Variants in LRRC8D observed in about 807,000 individuals in gnomAD.
LRRC8D encodes leucine rich repeat containing 8 VRAC subunit D.
A neutral mutation model predicts 55.8 loss-of-function variants in LRRC8D; 20 were observed. The observed-to-expected ratio is 0.36, with a 90% confidence interval of 0.25 to 0.52. The LOEUF (loss-of-function observed/expected upper bound fraction) is 0.52. Ranked by LOEUF, LRRC8D falls within the 20% of genes least tolerant of loss-of-function variation. LRRC8D has a pLI of 0.93. For missense variants in LRRC8D, 651 were observed against 1,030.8 expected (o/e 0.63, Z 5.05); for synonymous variants, 352 against 377.0 (o/e 0.93, Z 0.77).
chr1:89,842,010 A>G (rs925679315), intron 1 of LRRC8D, among the ~76,000 whole-genome samples: 8 of 151,974 alleles, frequency 5.3e-5, no homozygotes, highest in Admixed American at 5.2e-4. Flanking sequence ...CAGGAGATCG[A>G]GATCATCCTG....
intron 2 of LRRC8D, among the ~76,000 whole-genome samples, chr1:89,855,762 T>G (rs980805919): frequency 6.6e-6 from 1 of 152,224 alleles, no homozygotes; most frequent in Admixed American, 6.5e-5. Flanking sequence ...TTAAAACCAC[T>G]TAAACTGAAA....
chr1:89,909,528 G>A (rs889706173), intron 2 of LRRC8D, among the ~76,000 whole-genome samples: 3 of 151,462 alleles, frequency 2.0e-5, no homozygotes, highest in African/African-American at 4.9e-5. Context: ...ATGGTACATC[G>A]TTCAGGAGCA....
chr1:89,891,962 C>T (rs555002555), intron 2 of LRRC8D, among the ~76,000 whole-genome samples: 108 of 152,310 alleles, frequency 7.1e-4, no homozygotes, highest in African/African-American at 2.5e-3. Context: ...GGTCTCTTAT[C>T]TCTGTATCTC....
At chr1:89,841,109 C>T (rs1661120502) in intron 1 of LRRC8D, among the ~76,000 whole-genome samples, 1 of 152,122 alleles carries the variant, frequency 6.6e-6, no homozygotes, top group South Asian at 2.1e-4. Context: ...TTGCCAGGAC[C>T]ACGGTAAGCA....
At chr1:89,874,413 TTTA>T (rs988037179) in intron 2 of LRRC8D, among the ~76,000 whole-genome samples, 1 of 151,520 alleles carries the variant, frequency 6.6e-6, no homozygotes. Context: ...TCTGTTTTCC[TTTA>T]TTATTCCTTG....
At chr1:89,926,309 C>T (rs1663563503) in intron 2 of LRRC8D, among the ~76,000 whole-genome samples, 1 of 152,256 alleles carries the variant, frequency 6.6e-6, no homozygotes, top group Non-Finnish European at 1.5e-5. Context: ...ATCACTTTCA[C>T]ACCAACCTAA....
At chr1:89,880,836 G>A (rs1046587664) in intron 2 of LRRC8D, among the ~76,000 whole-genome samples, 1 of 151,848 alleles carries the variant, frequency 6.6e-6, no homozygotes, top group South Asian at 2.1e-4. Flanking sequence ...ACATGTTATT[G>A]CTAACATACG....
chr1:89,843,595 T>TGGAGTAG, intron 1 of LRRC8D, 43 bp from the exon 2 acceptor site: 1 of 692,940 alleles, frequency 1.4e-6, no homozygotes, highest in Admixed American at 2.0e-5. Context: ...CTGCCGACAC[T>TGGAGTAG]TGGATCTCTC....
At chr1:89,893,453 A>G (rs1344330732) in intron 2 of LRRC8D, among the ~76,000 whole-genome samples, 2 of 152,260 alleles carry the variant, frequency 1.3e-5, no homozygotes, top group Non-Finnish European at 2.9e-5. Context: ...TAACTAGGAA[A>G]AAAAAGGTAG....
intron 2 of LRRC8D, among the ~76,000 whole-genome samples, chr1:89,869,180 T>C (rs1214086062): frequency 6.6e-6 from 1 of 152,148 alleles, no homozygotes; most frequent in Admixed American, 6.5e-5. Context: ...GTGCTGAGAT[T>C]ACAGGTGTGA....
chr1:89,834,504 C>T (rs920695147), intron 1 of LRRC8D, among the ~76,000 whole-genome samples: 31 of 152,346 alleles, frequency 2.0e-4, no homozygotes, highest in African/African-American at 6.5e-4. Flanking sequence ...TAATAACTAG[C>T]AGGGAGAGCT....
rs184597662 is a variant in LRRC8D at position 89,851,303 on chromosome 1, T to G, written c.-3+7521T>G. 2.2e-3 allele frequency among the ~76,000 whole-genome samples: 332 copies of G among 152,280 alleles called. 3 individuals carry two copies. The highest frequency in any genetic ancestry group is 7.8e-3 in the African/African-American group (325 of 41,566). On this transcript the variant is annotated intron_variant, in intron 2 of 2. Transcript: ENST00000337338. ...TGAATACTCTTGAAAGTCTCTTAAT[T>G]ACAGATGTCTCTTTATTATTGGGAC...
At chr1:89,825,595 A>G (rs969162923) in intron 1 of LRRC8D, among the ~76,000 whole-genome samples, 1 of 152,228 alleles carries the variant, frequency 6.6e-6, no homozygotes, top group African/African-American at 2.4e-5. Context: ...TGCCTCAAAT[A>G]TTTAGTGACA....
intron 1 of LRRC8D, among the ~76,000 whole-genome samples, chr1:89,832,201 T>C (rs1003252471): frequency 1.7e-4 from 26 of 152,252 alleles, no homozygotes; most frequent in African/African-American, 5.3e-4. Flanking sequence ...ATCGTTTGTG[T>C]AATTTGTTGT....
intron 2 of LRRC8D, among the ~76,000 whole-genome samples, chr1:89,921,951 A>G (rs1490369944): frequency 6.6e-6 from 1 of 152,214 alleles, no homozygotes; most frequent in Admixed American, 6.5e-5. Context: ...GCAGTCACCA[A>G]GCTACCCACA....
chr1:89,846,447 G>T (rs901021676), intron 2 of LRRC8D: 1 of 152,028 alleles, frequency 6.6e-6, no homozygotes, highest in South Asian at 2.1e-4. Context: ...CTTGTCAGTG[G>T]TCGTATTAGT....
rs2816844 is a variant in LRRC8D at position 89,917,192 on chromosome 1, T to C, written c.-2-15875T>C. Among the ~76,000 whole-genome samples, 1,247 of 152,330 alleles carry C rather than the reference T, an allele frequency of 8.2e-3. 12 individuals are homozygous for C. The highest frequency in any genetic ancestry group is 0.029 in the African/African-American group (1,199 of 41,576). ...ATATCTTTATACAGGTGCAAACTAT[T>C]TGCCCTAATTAGCCCATTAATCTAT... is the stretch of plus-strand genomic sequence containing the variant. On this transcript the variant is annotated intron_variant, in intron 2 of 2. Transcript: ENST00000337338.
At chr1:89,861,720 C>T (rs1341600729) in intron 2 of LRRC8D, among the ~76,000 whole-genome samples, 1 of 152,222 alleles carries the variant, frequency 6.6e-6, no homozygotes, top group African/African-American at 2.4e-5. Context: ...ATAACAAGTT[C>T]TGCTCCATGA....
intron 2 of LRRC8D, among the ~76,000 whole-genome samples, chr1:89,887,200 T>A (rs1466812340): frequency 1.3e-5 from 2 of 152,252 alleles, no homozygotes; most frequent in African/African-American, 4.8e-5. Flanking sequence ...TAATTAATAC[T>A]TATGAAGTCC....
Sources: gnomAD v4.1 joint callset for allele counts (sites outside exome capture counted in the v4.1 genomes callset) on GRCh38, gnomAD v4.1.1 for gene constraint, MANE v1.5 for transcripts, NCBI Gene and HGNC (gene_info 2026-07-23, HGNC 2026-07-21) for gene names.